Variants in CYB5R4 observed in about 807,000 individuals in gnomAD.
CYB5R4 encodes cytochrome b5 reductase 4, also known as N-terminal cytochrome b5 and cytochrome b5 oxidoreductase domain-containing protein.
A neutral mutation model predicts 70.2 loss-of-function variants in CYB5R4; 55 were observed. That is an observed-to-expected ratio of 0.78 (90% confidence interval 0.63 to 0.98). CYB5R4 has a LOEUF of 0.98. Among genes scored for constraint, CYB5R4 ranks in the 50% least tolerant of loss-of-function variants. CYB5R4 has a pLI of 0.00. For synonymous variants in CYB5R4, 197 were observed against 199.5 expected (o/e 0.99, Z 0.11); for missense variants, 562 against 612.6 (o/e 0.92, Z 0.87).
intron 3 of CYB5R4, among the ~76,000 whole-genome samples, chr6:83,904,815 G>A (rs1276978242): frequency 1.3e-5 from 2 of 152,030 alleles, no homozygotes; most frequent in South Asian, 4.1e-4. Context: ...TTTTTGTATT[G>A]TTTTTTATAA....
In CYB5R4 at chr6:83,955,443, T is replaced by C. The variant is rs1444049179; in HGVS notation, c.1492T>C (p.Phe498Leu). The C allele has an allele frequency of 3.7e-6, 6 of 1,613,732 alleles. No individual in the cohort carries two copies. The highest frequency in any genetic ancestry group is 5.1e-6 in the Non-Finnish European group (6 of 1,179,778). ...CGTCTGCATTTGTGGACCAGTGCCA[T>C]TTACAGAACAAGGAGTAAGGTGAGT... is the stretch of plus-strand genomic sequence containing the variant. ...VLVCICGPVP[F>L]TEQGVRLLHD... Residue 498 changes from phenylalanine to leucine, a missense_variant, in exon 15 of 16, where the codon TTT becomes CTT. Transcript: ENST00000369681.
intron 14 of CYB5R4, among the ~76,000 whole-genome samples, chr6:83,945,554 CAAG>C (rs1317326874): frequency 1.3e-5 from 2 of 151,848 alleles, no homozygotes; most frequent in Non-Finnish European, 2.9e-5. Context: ...TAGCAGAAGA[CAAG>C]AAATAACTAA....
intron 2 of CYB5R4, among the ~76,000 whole-genome samples, chr6:83,872,510 A>C (rs2099457789): frequency 6.6e-6 from 1 of 152,232 alleles, no homozygotes; most frequent in African/African-American, 2.4e-5. Context: ...AGAAGCAAAA[A>C]GTTACTAAAA....
chr6:83,893,693 A>G, intron 3 of CYB5R4, 71 bp downstream of exon 3: 1 of 894,342 alleles, frequency 1.1e-6, no homozygotes, highest in South Asian at 1.7e-5. Flanking sequence ...TGACATTTGT[A>G]GAAAGAAAGG....
chr6:83,895,292 A>C (rs1206092468), intron 3 of CYB5R4, among the ~76,000 whole-genome samples: 1 of 152,004 alleles, frequency 6.6e-6, no homozygotes, highest in Non-Finnish European at 1.5e-5. Flanking sequence ...TAGCCTCCCG[A>C]GTAGCTGAGA....
intron 5 of CYB5R4, among the ~76,000 whole-genome samples, chr6:83,914,690 A>G (rs111401156): frequency 6.6e-6 from 1 of 151,960 alleles, no homozygotes; most frequent in Non-Finnish European, 1.5e-5. Context: ...GGTGCACACC[A>G]CACACCTGGC....
chr6:83,918,258 A>G (rs995849413), intron 6 of CYB5R4, among the ~76,000 whole-genome samples, 193 bp downstream of exon 6: 11 of 152,168 alleles, frequency 7.2e-5, no homozygotes, highest in Non-Finnish European at 1.3e-4. Context: ...AATTTTAAAT[A>G]TAACTGAAGT....
At chr6:83,952,334 G>A (rs2099471682) in intron 14 of CYB5R4, among the ~76,000 whole-genome samples, 1 of 152,126 alleles carries the variant, frequency 6.6e-6, no homozygotes, top group East Asian at 1.9e-4. Context: ...GTACATAAGT[G>A]ACTGTAAAGT....
intron 14 of CYB5R4, among the ~76,000 whole-genome samples, chr6:83,949,100 C>T (rs2099471133): frequency 1.3e-5 from 2 of 150,146 alleles, no homozygotes. Flanking sequence ...CCCATAGACT[C>T]CTGGCGTTTT....
intron 3 of CYB5R4, among the ~76,000 whole-genome samples, chr6:83,903,883 T>A (rs1197177505): frequency 6.6e-6 from 1 of 152,120 alleles, no homozygotes; most frequent in Non-Finnish European, 1.5e-5. Flanking sequence ...TTGGTATCAG[T>A]TGTGTTGTCT....
Position 83,955,390 on chromosome 6 carries a change from AAAG to A in CYB5R4, c.1442_1444del (p.Arg481del). The A allele has an allele frequency of 6.2e-7, 1 of 1,613,962 alleles. No individual in the cohort carries two copies. The highest frequency in any genetic ancestry group is 8.5e-7 in the Non-Finnish European group (1 of 1,179,918). On this transcript the variant is annotated inframe_deletion, in exon 15 of 16. Transcript: ENST00000369681. ...CCAGCTCTTCTTTCTGAATTTTTGA[AAAG>A]AAATTTGGACAAATCCAAAGTTCTC...
At chr6:83,892,114 G>T (rs921423825) in intron 2 of CYB5R4, among the ~76,000 whole-genome samples, 2 of 152,118 alleles carry the variant, frequency 1.3e-5, no homozygotes, top group African/African-American at 4.8e-5. Flanking sequence ...AATCTTGTGG[G>T]ACTCTAGGCA....
chr6:83,909,796 T>G (rs999873669), intron 4 of CYB5R4, among the ~76,000 whole-genome samples: 3 of 152,122 alleles, frequency 2.0e-5, no homozygotes, highest in African/African-American at 7.2e-5. Flanking sequence ...AGGGGGACAT[T>G]TGGCAATGTC....
chr6:83,902,901 TG>T (rs1562834681), intron 3 of CYB5R4, among the ~76,000 whole-genome samples: 1 of 152,156 alleles, frequency 6.6e-6, no homozygotes, highest in African/African-American at 2.4e-5. Context: ...TTACTGAATT[TG>T]TTTATCAGCT....
chr6:83,945,256 G>A (rs1159521160), intron 14 of CYB5R4, among the ~76,000 whole-genome samples: 3 of 152,152 alleles, frequency 2.0e-5, no homozygotes, highest in Non-Finnish European at 4.4e-5. Context: ...TAGAACTCAG[G>A]ATTAAGAAAC....
At chr6:83,941,641 T>A (rs966396304) in intron 14 of CYB5R4, among the ~76,000 whole-genome samples, 21 of 152,178 alleles carry the variant, frequency 1.4e-4, no homozygotes, top group African/African-American at 5.1e-4. Context: ...TCTCCCATCA[T>A]CCTCCACTTT....
chr6:83,966,743 A>G lies in CYB5R4; in HGVS notation c.*6865A>G, dbSNP rs977064163. ...CTAGAGGAAGTGGTAAATAGTGAAG[A>G]TAGGCAAAGAATATCCAACATATGA... On this transcript the variant is annotated 3_prime_UTR_variant, in exon 16 of 16. Transcript: ENST00000369681. The G allele has an allele frequency of 2.6e-5, 4 of 152,136 alleles. No homozygotes were observed. Among genetic ancestry groups the G allele is most frequent in the Non-Finnish European group, 4.4e-5 (3 of 68,010 alleles). 9.4% of individuals were successfully genotyped at this position (152,136 alleles called of 1,614,324 possible).
intron 3 of CYB5R4, among the ~76,000 whole-genome samples, chr6:83,905,117 C>T (rs139596168): frequency 0.014 from 2,154 of 152,146 alleles, 50 homozygotes; most frequent in African/African-American, 0.049. Context: ...TGCAGCGGTG[C>T]AGCCTCAGCT....
At chr6:83,883,799 TATA>T (rs1323520495) in intron 2 of CYB5R4, among the ~76,000 whole-genome samples, 1 of 152,114 alleles carries the variant, frequency 6.6e-6, no homozygotes, top group Non-Finnish European at 1.5e-5. Flanking sequence ...CTTTAAAAGT[TATA>T]ACATTGTATT....
Sources: allele counts gnomAD v4.1 joint callset (sites outside exome capture counted in the v4.1 genomes callset), GRCh38; gene constraint gnomAD v4.1.1; transcripts MANE v1.5; gene names NCBI Gene and HGNC (gene_info 2026-07-23, HGNC 2026-07-21).